Variants in PPP1R9A observed in about 807,000 individuals in gnomAD.
The protein encoded by PPP1R9A is protein phosphatase 1 regulatory subunit 9A, also known as neurabin-1.
PPP1R9A carries 59 observed loss-of-function variants against 141.9 expected under a neutral mutation model. The ratio of observed to expected loss-of-function variants is 0.42; its 90% CI spans 0.34 to 0.52. PPP1R9A has a LOEUF of 0.52. Among genes scored for constraint, PPP1R9A ranks in the 20% least tolerant of loss-of-function variants. The probability of loss-of-function intolerance (pLI) is 0.10; values close to 1 mark genes in which losing one functional copy is unlikely to be tolerated. For missense variants in PPP1R9A, 1,444 were observed against 1,611.9 expected, an observed-to-expected ratio of 0.90 and a Z score of 1.78; for synonymous variants, 500 against 569.7, an observed-to-expected ratio of 0.88 and a Z score of 1.74.
At chr7:95,131,705 A>G (rs899023820) in intron 4 of PPP1R9A, among the ~76,000 whole-genome samples, 1 of 145,410 alleles carries the variant, frequency 6.9e-6, no homozygotes, top group Non-Finnish European at 1.5e-5. Context: ...AATTTTATAT[A>G]TTTTTTCTAG....
At chr7:94,975,356 G>GTTT (rs68186534) in intron 2 of PPP1R9A, among the ~76,000 whole-genome samples, 8 of 120,712 alleles carry the variant, frequency 6.6e-5, no homozygotes, top group Non-Finnish European at 1.4e-4. Context: ...GTTTTTTTTT[G>GTTT]TTTTTTTTTT....
intron 8 of PPP1R9A, among the ~76,000 whole-genome samples, chr7:95,243,737 C>T (rs1797762938): frequency 6.6e-6 from 1 of 152,126 alleles, no homozygotes; most frequent in Non-Finnish European, 1.5e-5. Flanking sequence ...TGTGTGACTT[C>T]CCTGAGCCTC....
intron 8 of PPP1R9A, among the ~76,000 whole-genome samples, chr7:95,245,310 A>C (rs554212878): frequency 3.9e-5 from 6 of 152,240 alleles, no homozygotes; most frequent in African/African-American, 1.4e-4. Context: ...GCACATAGCA[A>C]CTCTTCAACG....
Position 95,293,187 on chromosome 7 carries a change from C to T in PPP1R9A, c.*2884C>T, listed in dbSNP as rs1806601568. The T allele has an allele frequency of 6.6e-6, 1 of 152,142 alleles. No individual in the cohort carries two copies. Among genetic ancestry groups the T allele is most frequent in the Admixed American group, 6.6e-5 (1 of 15,254 alleles). The allele number at this position is 152,142 out of a possible 1,614,324, so 9.4% of individuals were successfully genotyped here. Reference sequence around the variant, plus strand: ...ACAGAAAGCATTGTATGAGCTGTATCTGGGTCAGGGTTTCCCATTAAAGGA... The same window carrying T: ...ACAGAAAGCATTGTATGAGCTGTATTTGGGTCAGGGTTTCCCATTAAAGGA... On this transcript the variant is annotated 3_prime_UTR_variant, in exon 20 of 20. Transcript: ENST00000433360.
At chr7:95,051,033 C>T (rs994405083) in intron 2 of PPP1R9A, among the ~76,000 whole-genome samples, 1 of 152,102 alleles carries the variant, frequency 6.6e-6, no homozygotes, top group Non-Finnish European at 1.5e-5. Flanking sequence ...CATCACTATC[C>T]AGAGTTATCT....
At chr7:95,120,650 T>C in intron 3 of PPP1R9A, 62 bp from the exon 4 acceptor site, 7 of 1,554,430 alleles carry the variant, frequency 4.5e-6, no homozygotes, top group Non-Finnish European at 6.1e-6. Context: ...TCTCACCAGC[T>C]AATTGCAGAC....
intron 7 of PPP1R9A, among the ~76,000 whole-genome samples, chr7:95,216,353 G>A (rs1268241016): frequency 6.6e-6 from 1 of 152,152 alleles, no homozygotes; most frequent in Non-Finnish European, 1.5e-5. Flanking sequence ...GTACCATGCT[G>A]TTTTGGTTAC....
chr7:95,193,116 T>G (rs965795070), intron 5 of PPP1R9A, among the ~76,000 whole-genome samples: 1 of 152,258 alleles, frequency 6.6e-6, no homozygotes, highest in East Asian at 1.9e-4. Flanking sequence ...GGACTGTTGT[T>G]TGGTTCCACT....
At chr7:95,264,464 A>G (rs1241734865) in intron 12 of PPP1R9A, among the ~76,000 whole-genome samples, 1 of 152,204 alleles carries the variant, frequency 6.6e-6, no homozygotes, top group Non-Finnish European at 1.5e-5. Flanking sequence ...TGTATGACTC[A>G]CAGTATTACT....
chr7:95,137,391 A>G (rs1825843453), intron 4 of PPP1R9A, among the ~76,000 whole-genome samples: 1 of 139,378 alleles, frequency 7.2e-6, no homozygotes, highest in Non-Finnish European at 1.5e-5. Flanking sequence ...AGCTTCATCC[A>G]TGTCCCTACA....
At chr7:95,072,818 A>AT (rs1814118629) in intron 2 of PPP1R9A, among the ~76,000 whole-genome samples, 1 of 66,734 alleles carries the variant, frequency 1.5e-5, no homozygotes, top group Non-Finnish European at 2.7e-5. Context: ...TATATATAAT[A>AT]ATTATTATAT....
At chr7:95,273,875 T>C in intron 14 of PPP1R9A, 24 bp from the exon 15 acceptor site, 6 of 1,461,616 alleles carry the variant, frequency 4.1e-6, no homozygotes, top group Non-Finnish European at 5.6e-6. Flanking sequence ...TAATTGATCT[T>C]TTTCACAAAT....
chr7:95,162,093 C>G (rs1830541676), intron 5 of PPP1R9A, 122 bp downstream of exon 5: 1 of 548,524 alleles, frequency 1.8e-6, no homozygotes, highest in African/African-American at 1.9e-5. Flanking sequence ...TAAAACTTTG[C>G]TTTTAGTTTT....
At chr7:95,244,942 G>T (rs1007493980) in intron 8 of PPP1R9A, among the ~76,000 whole-genome samples, 1 of 152,142 alleles carries the variant, frequency 6.6e-6, no homozygotes, top group African/African-American at 2.4e-5. Context: ...AAATGAAAGA[G>T]GTTAAGTAAT....
intron 2 of PPP1R9A, among the ~76,000 whole-genome samples, chr7:95,071,473 G>C (rs1047828846): frequency 6.6e-6 from 1 of 151,930 alleles, no homozygotes; most frequent in Admixed American, 6.6e-5. Flanking sequence ...ACAATATCTA[G>C]TTGAAATTTT....
intron 2 of PPP1R9A, among the ~76,000 whole-genome samples, chr7:95,069,272 G>GA (rs1205323703): frequency 6.6e-6 from 1 of 152,150 alleles, no homozygotes; most frequent in Non-Finnish European, 1.5e-5. Context: ...CAGAAATGTG[G>GA]AGGGGGAGGG....
At chr7:95,161,584 A>G (rs1183947251) in intron 4 of PPP1R9A, among the ~76,000 whole-genome samples, 1 of 152,156 alleles carries the variant, frequency 6.6e-6, no homozygotes, top group African/African-American at 2.4e-5. Flanking sequence ...CTAATATGTA[A>G]TACAATGCAA....
In PPP1R9A at chr7:94,945,128, C is replaced by CAT. The variant is rs1795760290; in HGVS notation, c.1395+33627_1395+33628dup. ...TATATGCCTGTATATATGATATATTCATATATATGTAAATAAAAATCAAGT... is the reference window on the plus strand; with the variant it reads ...TATATGCCTGTATATATGATATATTCATATATATATGTAAATAAAAATCAAGT... On this transcript the variant is annotated intron_variant, in intron 2 of 19. Transcript: ENST00000433360. Among the ~76,000 whole-genome samples the CAT allele has an allele frequency of 1.3e-5, 2 of 151,868 alleles. 1 individual carries two copies. The highest frequency in any genetic ancestry group is 4.2e-4 in the South Asian group (2 of 4,816).
intron 6 of PPP1R9A, among the ~76,000 whole-genome samples, chr7:95,203,139 C>T (rs1029241732): frequency 3.3e-5 from 5 of 151,876 alleles, no homozygotes; most frequent in African/African-American, 1.2e-4. Flanking sequence ...AAATTAATAT[C>T]ATTATAACAA....
Sources: allele counts gnomAD v4.1 joint callset (sites outside exome capture counted in the v4.1 genomes callset), GRCh38; gene constraint gnomAD v4.1.1; transcripts MANE v1.5; gene names NCBI Gene and HGNC (gene_info 2026-07-23, HGNC 2026-07-21).